The following FANK1 variants were observed in gnomAD, a reference collection of about 807,000 sequenced individuals.
FANK1 encodes fibronectin type III and ankyrin repeat domains 1.
A neutral mutation model predicts 45.3 loss-of-function variants in FANK1; 44 were observed. The observed-to-expected ratio is 0.97, with a 90% CI of 0.76 to 1.25. FANK1 has a LOEUF of 1.25. Among genes scored for constraint, FANK1 ranks in the 50% most tolerant of loss-of-function variants. The probability of loss-of-function intolerance (pLI) is 0.00; values close to 1 mark genes in which losing one functional copy is unlikely to be tolerated. For missense variants in FANK1, 391 were observed against 424.4 expected (o/e 0.92, Z 0.69); for synonymous variants, 149 against 152.5 (o/e 0.98, Z 0.17).
At chr10:125,920,666 C>T (rs1214717988) in intron 1 of FANK1, among the ~76,000 whole-genome samples, 1 of 152,158 alleles carries the variant, frequency 6.6e-6, no homozygotes, top group African/African-American at 2.4e-5. Context: ...GCTGTTGACC[C>T]AGAGGAACCA....
At chr10:125,923,818 G>A (rs899575028) in intron 1 of FANK1, among the ~76,000 whole-genome samples, 131 of 152,042 alleles carry the variant, frequency 8.6e-4, no homozygotes, top group African/African-American at 2.9e-3. Context: ...GCGAGCCATC[G>A]TTCTTGGCCT....
In FANK1 at chr10:125,972,551, A is replaced by G. The variant is rs377497489; in HGVS notation, c.14-7610A>G. Among the ~76,000 whole-genome samples, 59 of 152,288 alleles carry G rather than the reference A, an allele frequency of 3.9e-4. No individual in the cohort carries two copies. In the East Asian group the frequency reaches 7.1e-3, roughly 18 times the overall value. On this transcript the variant is annotated intron_variant, in intron 1 of 10. Coordinates refer to ENST00000368693, the MANE Select transcript of FANK1 (RefSeq NM_145235.5). ...TGGGTCCCATCCACTATTTTTTGGC[A>G]TTCTGAAAATAACTAGCTCTTACCT... is the stretch of plus-strand genomic sequence containing the variant.
chr10:125,991,250 G>GGT (rs113257579), intron 3 of FANK1, among the ~76,000 whole-genome samples: 47,958 of 145,736 alleles, frequency 0.33, 8,076 homozygotes, highest in Middle Eastern at 0.48. Flanking sequence ...GGTGACCAGG[G>GGT]GTGTGTGTGT....
At chr10:125,988,940 C>A in intron 3 of FANK1, 1 of 570,224 alleles carries the variant, frequency 1.8e-6, no homozygotes, top group Non-Finnish European at 3.1e-6. Flanking sequence ...GGTGGAGTCA[C>A]CTTTCTTAGG....
At chr10:125,945,353 C>T (rs1044519156) in intron 1 of FANK1, among the ~76,000 whole-genome samples, 2 of 152,172 alleles carry the variant, frequency 1.3e-5, no homozygotes. Context: ...GTTTGTCTCA[C>T]TAGGGAGTGC....
At chr10:125,996,409 A>C in intron 4 of FANK1, 141 bp from the exon 5 acceptor site, 1 of 676,034 alleles carries the variant, frequency 1.5e-6, no homozygotes, top group South Asian at 2.0e-5. Flanking sequence ...TAAGACAAGA[A>C]AAGATTTAAT....
chr10:125,934,724 GTTTTTTTTTTTTTTTTTTT>G (rs145182884), intron 1 of FANK1, among the ~76,000 whole-genome samples: 27 of 26,458 alleles, frequency 1.0e-3, no homozygotes, highest in Admixed American at 8.4e-3. Context: ...TACCCCTACC[GTTTTTTTTTTTTTTTTTTT>G]TTTTTTTTTT....
chr10:125,945,502 A>C (rs1948726556), intron 1 of FANK1, among the ~76,000 whole-genome samples: 1 of 152,200 alleles, frequency 6.6e-6, no homozygotes, highest in South Asian at 2.1e-4. Context: ...ACGCACCTGG[A>C]AAATCGGGTC....
intron 1 of FANK1, among the ~76,000 whole-genome samples, chr10:125,945,708 A>G (rs1010749258): frequency 2.0e-5 from 3 of 152,224 alleles, no homozygotes; most frequent in Admixed American, 2.0e-4. Flanking sequence ...TTGCTTAGGT[A>G]AACAAAGCAG....
intron 3 of FANK1, among the ~76,000 whole-genome samples, chr10:125,990,839 C>A (rs935694473): frequency 6.6e-6 from 1 of 152,178 alleles, no homozygotes; most frequent in Non-Finnish European, 1.5e-5. Context: ...GCCTCACAAC[C>A]ATGGTGGAAG....
In FANK1 at chr10:125,970,022, T is replaced by C. The variant is rs555076511; in HGVS notation, c.14-10139T>C. On this transcript the variant is annotated intron_variant, in intron 1 of 10. Coordinates refer to ENST00000368693, the MANE Select transcript of FANK1 (RefSeq NM_145235.5). Reference sequence around the variant, plus strand: ...ACGAAATGGAGTCTCCTATGTTTACTTCTTTCTACACAGACACAGTAACAA... The same window carrying C: ...ACGAAATGGAGTCTCCTATGTTTACCTCTTTCTACACAGACACAGTAACAA... Among the ~76,000 whole-genome samples, 48 of 152,396 alleles carry C rather than the reference T, an allele frequency of 3.1e-4. 2 individuals carry two copies. The South Asian group carries it at 9.5e-3, about 30-fold the overall frequency.
chr10:126,005,248 G>A (rs1953095176), intron 7 of FANK1, among the ~76,000 whole-genome samples, 199 bp downstream of exon 7: 1 of 151,616 alleles, frequency 6.6e-6, no homozygotes, highest in African/African-American at 2.4e-5. Context: ...GGTTTATCTT[G>A]TGTAGGGAAA....
chr10:125,965,430 T>G, intron 1 of FANK1, among the ~76,000 whole-genome samples: 1 of 152,232 alleles, frequency 6.6e-6, no homozygotes, highest in African/African-American at 2.4e-5. Flanking sequence ...TATATAACAA[T>G]TTGGCTTTTC....
chr10:125,906,515 C>CAAAAAAAAGAAAAA (rs1945533023), intron 1 of FANK1, among the ~76,000 whole-genome samples: 1 of 46,410 alleles, frequency 2.2e-5, no homozygotes. Flanking sequence ...GACTCTGTCT[C>CAAAAAAAAGAAAAA]AAAAAAAAAA....
At chr10:125,967,634 C>T (rs1950263977) in intron 1 of FANK1, among the ~76,000 whole-genome samples, 1 of 152,050 alleles carries the variant, frequency 6.6e-6, no homozygotes, top group African/African-American at 2.4e-5. Context: ...GACAGGGTCT[C>T]ATTCTGTAGC....
chr10:126,009,053 G>A lies in FANK1; in HGVS notation c.850-1G>A. On this transcript the variant is annotated splice_acceptor_variant, in intron 8 of 10. Coordinates refer to ENST00000368693, the MANE Select transcript of FANK1 (RefSeq NM_145235.5). LOFTEE classifies it high-confidence loss of function. The stretch of plus-strand genomic sequence containing the variant: ...ACACCACCCTGGGTTTTGTTTTCTA[G>A]GTGGCTGTGTTAAATAATCATGAAG... 6.2e-7 allele frequency: 1 copy of A among 1,614,048 alleles called. No individual in the cohort carries two copies. The highest frequency in any genetic ancestry group is 8.5e-7 in the Non-Finnish European group (1 of 1,180,008).
chr10:126,008,222 T>C (rs1953380112), intron 7 of FANK1, among the ~76,000 whole-genome samples, 185 bp from the exon 8 acceptor site: 2 of 152,154 alleles, frequency 1.3e-5, no homozygotes, highest in African/African-American at 4.8e-5. Flanking sequence ...AAGAAGCCGG[T>C]GGGGAGACCC....
At chr10:125,943,456 C>G (rs1186727191) in intron 1 of FANK1, among the ~76,000 whole-genome samples, 2 of 152,130 alleles carry the variant, frequency 1.3e-5, no homozygotes, top group Non-Finnish European at 2.9e-5. Flanking sequence ...ACATTTTCAT[C>G]ACCCCCAGGA....
At chr10:125,929,367 T>C (rs1160293755) in intron 1 of FANK1, among the ~76,000 whole-genome samples, 3 of 152,132 alleles carry the variant, frequency 2.0e-5, no homozygotes, top group Non-Finnish European at 2.9e-5. Flanking sequence ...TCTGTTTCCA[T>C]AGGAGTCTGG....
Sources: allele counts gnomAD v4.1 joint callset (sites outside exome capture counted in the v4.1 genomes callset), GRCh38; gene constraint gnomAD v4.1.1; transcripts MANE v1.5; gene names NCBI Gene and HGNC (gene_info 2026-07-23, HGNC 2026-07-21).